The following C1QTNF9 variants were observed in gnomAD, a reference collection of about 807,000 sequenced individuals.
C1QTNF9 encodes complement C1q and tumor necrosis factor-related protein 9A.
Under a neutral mutation model 10.1 loss-of-function variants are expected in C1QTNF9, and 6 were observed. That is an observed-to-expected ratio of 0.59 (90% confidence interval 0.32 to 1.17). The LOEUF is 1.17. Ranked by LOEUF, C1QTNF9 falls within the 50% of genes most tolerant of loss-of-function variation. The pLI is 0.04. For synonymous variants in C1QTNF9, 98 were observed against 163.5 expected, an observed-to-expected ratio of 0.60 and a Z score of 3.06; for missense variants, 201 against 418.8, an observed-to-expected ratio of 0.48 and a Z score of 4.54.
chr13:24,316,107 G>C, exon 2 of C1QTNF9: 3 of 1,613,002 alleles, frequency 1.9e-6, no homozygotes, highest in Non-Finnish European at 2.5e-6. Flanking sequence ...GGGAACCCCG[G>C]TCACAATGGT....
chr13:24,322,388 A>G (rs1271344469), exon 4 of C1QTNF9: 1 of 152,176 alleles, frequency 6.6e-6, no homozygotes, highest in African/African-American at 2.4e-5. Flanking sequence ...TCTCCCTCCC[A>G]CTTTGCTCAT....
intron 1 of C1QTNF9, among the ~76,000 whole-genome samples, chr13:24,313,921 A>G (rs531110453): frequency 2.0e-5 from 3 of 152,242 alleles, no homozygotes; most frequent in Non-Finnish European, 4.4e-5. Context: ...TATCATTTAC[A>G]TATTTCTACA....
At chr13:24,318,153 C>A (rs1056640816) in intron 2 of C1QTNF9, among the ~76,000 whole-genome samples, 24 of 152,210 alleles carry the variant, frequency 1.6e-4, no homozygotes, top group South Asian at 4.1e-4. Flanking sequence ...ATAGCCAGAG[C>A]CACCTTCAAC....
chr13:24,307,700 G>A (rs532629855), upstream of C1QTNF9, among the ~76,000 whole-genome samples: 9 of 152,334 alleles, frequency 5.9e-5, no homozygotes, highest in South Asian at 1.7e-3. Context: ...GAACCCATAG[G>A]GCAGAGCATA....
exon 4 of C1QTNF9, chr13:24,321,695 G>A: frequency 6.2e-7 from 1 of 1,612,520 alleles, no homozygotes; most frequent in Non-Finnish European, 8.5e-7. Context: ...GGAGGAGAGA[G>A]GTTCAATGGC....
At chr13:24,317,254 AGTGTGTGTGT>A (rs10663026) in intron 2 of C1QTNF9, among the ~76,000 whole-genome samples, 155 of 125,970 alleles carry the variant, frequency 1.2e-3, no homozygotes, top group African/African-American at 4.3e-3. Context: ...GGACCACAGT[AGTGTGTGTGT>A]GTGTGTGTGT....
Position 24,316,189 on chromosome 13 carries a change from G to A in C1QTNF9, c.166+20G>A, listed in dbSNP as rs200274955. 6.1e-4 allele frequency: 931 copies of A among 1,523,376 alleles called. 37 individuals carry two copies. Among genetic ancestry groups the A allele is most frequent in the Admixed American group, 1.5e-3 (85 of 57,540 alleles). 94.4% of individuals were successfully genotyped at this position (1,523,376 alleles called of 1,614,324 possible). On this transcript the variant is annotated intron_variant, in intron 2 of 3. Coordinates refer to ENST00000332018, the Ensembl canonical transcript of C1QTNF9. ...ATGCAGGTACTCACCTGACGGCTTCGGCTGCCTTTCAACTTCTCTCTTCAT... is the reference window on the plus strand; with the variant it reads ...ATGCAGGTACTCACCTGACGGCTTCAGCTGCCTTTCAACTTCTCTCTTCAT...
chr13:24,321,068 G>C (rs1168597896), exon 4 of C1QTNF9: 2 of 1,455,620 alleles, frequency 1.4e-6, no homozygotes, highest in Non-Finnish European at 1.9e-6. Context: ...GGAAAACATG[G>C]CCCCAAGGGG....
At chr13:24,308,274 C>G (rs1877675584), upstream of C1QTNF9, among the ~76,000 whole-genome samples, 1 of 152,212 alleles carries the variant, frequency 6.6e-6, no homozygotes, top group Non-Finnish European at 1.5e-5. Context: ...AGACGGGTGT[C>G]CCCAGCAGGA....
chr13:24,310,563 A>T (rs1299230590), intron 1 of C1QTNF9, among the ~76,000 whole-genome samples: 1 of 151,336 alleles, frequency 6.6e-6, no homozygotes, highest in Non-Finnish European at 1.5e-5. Flanking sequence ...GATTGTACAC[A>T]TTTTCATTTT....
chr13:24,318,333 A>G (rs1434014454), intron 2 of C1QTNF9, among the ~76,000 whole-genome samples: 3 of 152,182 alleles, frequency 2.0e-5, no homozygotes, highest in Non-Finnish European at 2.9e-5. Flanking sequence ...TCTCTCTTCT[A>G]TCTTGGGATA....
At chr13:24,310,911 C>CAAAAAA (rs58299891) in intron 1 of C1QTNF9, among the ~76,000 whole-genome samples, 1 of 83,046 alleles carries the variant, frequency 1.2e-5, no homozygotes, top group Non-Finnish European at 2.3e-5. Context: ...GGCTCTGTCT[C>CAAAAAA]AAAAAAAAAA....
In C1QTNF9 at chr13:24,310,955, A is replaced by C. The variant is rs140091311; in HGVS notation, c.-23+1339A>C. 2.0e-3 allele frequency among the ~76,000 whole-genome samples: 304 copies of C among 151,796 alleles called. 1 individual carries two copies. Among genetic ancestry groups the C allele is most frequent in the African/African-American group, 7.1e-3 (294 of 41,380 alleles). ...AAAAGATATGTTGAAGAAATGTATA[A>C]AGTGTGTAATATAGAGAGTGCATGG... On this transcript the variant is annotated intron_variant, in intron 1 of 3. Coordinates refer to ENST00000332018, the Ensembl canonical transcript of C1QTNF9.
intron 2 of C1QTNF9, 101 bp downstream of exon 2, chr13:24,316,270 C>CCCAT (rs1299788134): frequency 1.8e-5 from 27 of 1,500,700 alleles, no homozygotes; most frequent in Admixed American, 3.6e-5. Flanking sequence ...CCACTCACAC[C>CCCAT]CCATCCATCC....
chr13:24,309,306 T>TATATATATATATATATATATATA (rs963863876), upstream of C1QTNF9, among the ~76,000 whole-genome samples: 4 of 134,076 alleles, frequency 3.0e-5, no homozygotes, highest in African/African-American at 1.2e-4. Context: ...TATATATATA[T>TATATATATATATATATATATATA]ATGAAAGAAA....
At chr13:24,317,912 G>C (rs1350032794) in intron 2 of C1QTNF9, among the ~76,000 whole-genome samples, 1 of 152,018 alleles carries the variant, frequency 6.6e-6, no homozygotes, top group Non-Finnish European at 1.5e-5. Flanking sequence ...TCCATTCAGA[G>C]GTCCCACGCT....
chr13:24,316,015 G>C (rs1878008737), exon 2 of C1QTNF9: 1 of 1,613,568 alleles, frequency 6.2e-7, no homozygotes, highest in Admixed American at 1.7e-5. Flanking sequence ...TGAGGATCTG[G>C]TGGCTTCTGC....
chr13:24,317,794 G>A lies in C1QTNF9; in HGVS notation c.167-1024G>A, dbSNP rs541048351. ...AGAGAATGGGAGAAACGAGAGCCAAGCAGGGAAACAAAAAGAGGGAAGGAG... is the reference window on the plus strand; with the variant it reads ...AGAGAATGGGAGAAACGAGAGCCAAACAGGGAAACAAAAAGAGGGAAGGAG... On this transcript the variant is annotated intron_variant, in intron 2 of 3. Coordinates refer to ENST00000332018, the Ensembl canonical transcript of C1QTNF9. Among the ~76,000 whole-genome samples the A allele has an allele frequency of 5.3e-5, 8 of 151,026 alleles. No individual in the cohort carries two copies. The South Asian group carries it at 1.7e-3, about 32-fold the overall frequency.
exon 4 of C1QTNF9, chr13:24,321,836 G>A (rs932369699): frequency 1.4e-6 from 2 of 1,459,356 alleles, no homozygotes; most frequent in African/African-American, 2.8e-5. Context: ...TATTCAGATG[G>A]TTTTACTTTA....
Sources: allele counts gnomAD v4.1 joint callset (sites outside exome capture counted in the v4.1 genomes callset), GRCh38; gene constraint gnomAD v4.1.1; transcripts MANE v1.5; gene names NCBI Gene and HGNC (gene_info 2026-07-23, HGNC 2026-07-21).